RBMS3: variants seen among roughly 807,000 people sequenced by gnomAD.
The protein encoded by RBMS3 is RNA-binding motif, single-stranded-interacting protein 3.
Under a neutral mutation model 66.8 loss-of-function variants are expected in RBMS3, and 27 were observed. That is an observed-to-expected ratio of 0.40 (90% CI 0.30 to 0.56). The LOEUF (loss-of-function observed/expected upper bound fraction) is 0.56. Ranked by LOEUF, RBMS3 falls within the 20% of genes least tolerant of loss-of-function variation. The probability of loss-of-function intolerance (pLI) is 0.40; values close to 1 mark genes in which losing one functional copy is unlikely to be tolerated. For synonymous variants in RBMS3, 188 were observed against 183.0 expected, an observed-to-expected ratio of 1.03 and a Z score of -0.22; for missense variants, 513 against 549.5, an observed-to-expected ratio of 0.93 and a Z score of 0.66.
At chr3:29,449,466 A>T (rs1190459583) in intron 2 of RBMS3, among the ~76,000 whole-genome samples, 1 of 152,228 alleles carries the variant, frequency 6.6e-6, no homozygotes, top group African/African-American at 2.4e-5. Flanking sequence ...TGCAGTTTAA[A>T]TCTTTCTATC....
chr3:29,566,348 C>T (rs1033737198), intron 3 of RBMS3, among the ~76,000 whole-genome samples: 84 of 152,092 alleles, frequency 5.5e-4, no homozygotes, highest in African/African-American at 2.0e-3. Context: ...TCAAAAGCAA[C>T]AGCAGGTGCA....
intron 7 of RBMS3, among the ~76,000 whole-genome samples, chr3:29,875,325 T>C (rs2059587907): frequency 6.6e-6 from 1 of 152,162 alleles, no homozygotes; most frequent in Non-Finnish European, 1.5e-5. Flanking sequence ...CTCTCCTCTA[T>C]CTAGCTGCCC....
At chr3:29,732,955 A>C (rs1232988719) in intron 4 of RBMS3, among the ~76,000 whole-genome samples, 2 of 152,006 alleles carry the variant, frequency 1.3e-5, no homozygotes, top group African/African-American at 2.4e-5. Flanking sequence ...TTACTAACTT[A>C]AAATATAGGA....
At chr3:29,903,003 A>G (rs530838635) in intron 10 of RBMS3, 1 of 152,158 alleles carries the variant, frequency 6.6e-6, no homozygotes, top group East Asian at 1.9e-4. Flanking sequence ...AATGGCACAG[A>G]GAACTAAAGG....
chr3:29,848,256 G>A (rs1281927525), intron 6 of RBMS3, among the ~76,000 whole-genome samples: 1 of 152,106 alleles, frequency 6.6e-6, no homozygotes, highest in African/African-American at 2.4e-5. Context: ...TGCATTTACA[G>A]GATCTTTCTC....
intron 6 of RBMS3, among the ~76,000 whole-genome samples, chr3:29,836,457 A>T (rs2058510395): frequency 6.6e-6 from 1 of 152,016 alleles, no homozygotes; most frequent in Non-Finnish European, 1.5e-5. Flanking sequence ...CCAAACACAG[A>T]AGAACATATA....
At chr3:29,297,041 T>C (rs549205631) in intron 1 of RBMS3, among the ~76,000 whole-genome samples, 2 of 151,852 alleles carry the variant, frequency 1.3e-5, no homozygotes, top group Non-Finnish European at 2.9e-5. Flanking sequence ...AGGAATTTAG[T>C]AATCAGAAAC....
intron 4 of RBMS3, among the ~76,000 whole-genome samples, chr3:29,627,427 A>C (rs145871644): frequency 6.6e-6 from 1 of 152,102 alleles, no homozygotes; most frequent in Non-Finnish European, 1.5e-5. Flanking sequence ...GATATTTAGC[A>C]TAACAATCCT....
intron 11 of RBMS3, among the ~76,000 whole-genome samples, chr3:29,942,398 C>T (rs893644746): frequency 6.6e-6 from 1 of 151,572 alleles, no homozygotes; most frequent in Non-Finnish European, 1.5e-5. Context: ...TATTGTGTGC[C>T]CTGTAGTCCA....
chr3:29,740,897 G>A (rs539251636), intron 5 of RBMS3, among the ~76,000 whole-genome samples: 45 of 151,946 alleles, frequency 3.0e-4, no homozygotes, highest in Middle Eastern at 3.4e-3. Context: ...AAAATTAGCC[G>A]TTGCGTGGTG....
chr3:29,871,693 T>C (rs2059495400), intron 7 of RBMS3, among the ~76,000 whole-genome samples: 2 of 152,138 alleles, frequency 1.3e-5, no homozygotes, highest in South Asian at 4.1e-4. Flanking sequence ...TTACTTTTCC[T>C]CTCTCCTAAA....
At chr3:29,398,222 G>C (rs933678829) in intron 1 of RBMS3, among the ~76,000 whole-genome samples, 1 of 152,142 alleles carries the variant, frequency 6.6e-6, no homozygotes, top group Non-Finnish European at 1.5e-5. Context: ...TACTGTCTAA[G>C]ATGCTATTTA....
intron 3 of RBMS3, among the ~76,000 whole-genome samples, chr3:29,511,098 A>T (rs1359001465): frequency 6.6e-6 from 1 of 152,126 alleles, no homozygotes; most frequent in East Asian, 1.9e-4. Context: ...GGAGATCAAG[A>T]CCTATTGGCT....
chr3:29,406,686 G>A (rs2040028169), intron 1 of RBMS3, among the ~76,000 whole-genome samples: 1 of 152,070 alleles, frequency 6.6e-6, no homozygotes. Context: ...GCTAAACCCT[G>A]AACTGTGTTA....
intron 12 of RBMS3, among the ~76,000 whole-genome samples, chr3:29,947,428 AAAT>A (rs1422120125): frequency 3.3e-5 from 5 of 151,622 alleles, no homozygotes; most frequent in African/African-American, 4.8e-5. Flanking sequence ...TATGTCTTAA[AAAT>A]AATAATAATC....
chr3:29,947,322 G>A (rs1247109677), intron 12 of RBMS3, among the ~76,000 whole-genome samples: 1 of 151,464 alleles, frequency 6.6e-6, no homozygotes, highest in Non-Finnish European at 1.5e-5. Context: ...TTTTAGTTTT[G>A]TTTTCTTCGT....
chr3:29,828,075 T>C (rs1312162906), intron 6 of RBMS3, among the ~76,000 whole-genome samples: 1 of 151,988 alleles, frequency 6.6e-6, no homozygotes, highest in Non-Finnish European at 1.5e-5. Context: ...TATGTGTGTG[T>C]GTGTGAGAGA....
chr3:29,680,202 T>C (rs923714618), intron 4 of RBMS3, among the ~76,000 whole-genome samples: 3 of 152,166 alleles, frequency 2.0e-5, no homozygotes, highest in Admixed American at 1.3e-4. Flanking sequence ...TTAATGCCTA[T>C]GTGGCCTGAG....
rs1699760294 is a variant in RBMS3, at chr3:30,004,892, A to AG, written c.*1030_*1031insG. On this transcript the variant is annotated 3_prime_UTR_variant, in exon 15 of 15. Transcript: ENST00000383767. ...CAAAACCTAGCTTAAGAGCATTAAA[A>AG]AAAAAAACTTAAGTAGATAGGAGCT... 1 of 150,946 alleles carries AG rather than the reference A, an allele frequency of 6.6e-6. No individual in the cohort carries two copies. The highest frequency in any genetic ancestry group is 2.1e-4 in the South Asian group (1 of 4,700). 9.4% of individuals were successfully genotyped at this position (150,946 alleles called of 1,614,324 possible). A position where few individuals can be genotyped will look rare whatever the true frequency, so the allele number is the denominator to read the frequency against.
Sources: allele counts gnomAD v4.1 joint callset (sites outside exome capture counted in the v4.1 genomes callset), GRCh38; gene constraint gnomAD v4.1.1; transcripts MANE v1.5; gene names NCBI Gene and HGNC (gene_info 2026-07-23, HGNC 2026-07-21).